FBXL7: variants seen among roughly 807,000 people sequenced by gnomAD.
The protein encoded by FBXL7 is F-box/LRR-repeat protein 7.
FBXL7 carries 12 observed loss-of-function variants against 38.3 expected under a neutral mutation model. The observed-to-expected ratio is 0.31, with a 90% confidence interval of 0.20 to 0.51. The LOEUF (loss-of-function observed/expected upper bound fraction) is 0.51. Ranked by LOEUF, FBXL7 falls within the 20% of genes least tolerant of loss-of-function variation. The pLI is 0.98. For missense variants in FBXL7, 567 were observed against 676.4 expected, an observed-to-expected ratio of 0.84 and a Z score of 1.79; for synonymous variants, 297 against 300.9, an observed-to-expected ratio of 0.99 and a Z score of 0.13.
intron 2 of FBXL7, among the ~76,000 whole-genome samples, chr5:15,775,171 C>T (rs1250773891): frequency 1.3e-5 from 2 of 152,110 alleles, no homozygotes; most frequent in African/African-American, 4.8e-5. Flanking sequence ...GCAACCAAAA[C>T]ACAAGCATTG....
intron 2 of FBXL7, among the ~76,000 whole-genome samples, chr5:15,744,927 T>C (rs1194193593): frequency 6.6e-6 from 1 of 152,074 alleles, no homozygotes; most frequent in Non-Finnish European, 1.5e-5. Context: ...GAGAACTCAC[T>C]CACTATCACG....
chr5:15,607,817 G>C (rs1740081065), intron 1 of FBXL7, among the ~76,000 whole-genome samples: 1 of 152,188 alleles, frequency 6.6e-6, no homozygotes, highest in Non-Finnish European at 1.5e-5. Context: ...ACCAAACTTA[G>C]TGTGTTCGTT....
chr5:15,754,572 A>C (rs1736241621), intron 2 of FBXL7, among the ~76,000 whole-genome samples: 1 of 152,244 alleles, frequency 6.6e-6, no homozygotes, highest in Non-Finnish European at 1.5e-5. Flanking sequence ...CAAGTTAGAC[A>C]CCGGGCAACC....
chr5:15,843,850 A>G (rs1458340398), intron 2 of FBXL7, among the ~76,000 whole-genome samples: 1 of 151,402 alleles, frequency 6.6e-6, no homozygotes, highest in East Asian at 1.9e-4. Flanking sequence ...GTATTAAGCT[A>G]TACTATATAT....
intron 1 of FBXL7, among the ~76,000 whole-genome samples, chr5:15,532,078 AT>A (rs961554969): frequency 1.4e-4 from 21 of 152,346 alleles, no homozygotes; most frequent in African/African-American, 5.1e-4. Flanking sequence ...CTTGGTACAC[AT>A]TGTGAGTGCT....
chr5:15,921,898 A>T (rs908148435), intron 2 of FBXL7, among the ~76,000 whole-genome samples: 5 of 152,154 alleles, frequency 3.3e-5, no homozygotes, highest in African/African-American at 1.2e-4. Context: ...GATTGTTGCA[A>T]CCATTATGGA....
chr5:15,600,006 A>T (rs1739743991), intron 1 of FBXL7, among the ~76,000 whole-genome samples: 1 of 152,216 alleles, frequency 6.6e-6, no homozygotes, highest in Non-Finnish European at 1.5e-5. Flanking sequence ...TTCAATAAGA[A>T]GCTATAGGAG....
intron 2 of FBXL7, among the ~76,000 whole-genome samples, chr5:15,824,053 G>A (rs559567171): frequency 1.6e-4 from 25 of 152,120 alleles, no homozygotes; most frequent in Admixed American, 7.9e-4. Context: ...TGAGGCGGGC[G>A]GATCACTTGA....
intron 1 of FBXL7, among the ~76,000 whole-genome samples, chr5:15,605,850 A>T: frequency 6.6e-6 from 1 of 152,190 alleles, no homozygotes; most frequent in East Asian, 1.9e-4. Context: ...CAAATGCTAA[A>T]ATATGTCTTT....
At chr5:15,566,064 G>A (rs1463489044) in intron 1 of FBXL7, among the ~76,000 whole-genome samples, 1 of 151,916 alleles carries the variant, frequency 6.6e-6, no homozygotes, top group African/African-American at 2.4e-5. Context: ...ATAAAATATA[G>A]ATGGCAGGAG....
intron 1 of FBXL7, among the ~76,000 whole-genome samples, chr5:15,602,875 C>G (rs1395113818): frequency 1.3e-5 from 2 of 152,140 alleles, no homozygotes; most frequent in Non-Finnish European, 1.5e-5. Flanking sequence ...TCTCTGTCAC[C>G]TAGGCTGGAG....
At chr5:15,714,868 A>AT in intron 2 of FBXL7, among the ~76,000 whole-genome samples, 1 of 151,356 alleles carries the variant, frequency 6.6e-6, no homozygotes, top group South Asian at 2.1e-4. Context: ...AAAAAAAAAA[A>AT]AGAGGCAGGA....
At chr5:15,852,451 G>A (rs1739124966) in intron 2 of FBXL7, among the ~76,000 whole-genome samples, 1 of 152,212 alleles carries the variant, frequency 6.6e-6, no homozygotes. Context: ...CCTGGTGAGT[G>A]AGGAGAAAGG....
Position 15,715,117 on chromosome 5 carries a change from G to A in FBXL7, c.127+99045G>A, listed in dbSNP as rs573203647. ...ATAAATCTGTGTTGTTTTAAGTTAT[G>A]TAATTTGTGGCAATGTATTACAGTG... On this transcript the variant is annotated intron_variant, in intron 2 of 3. Coordinates refer to ENST00000504595, the MANE Select transcript of FBXL7 (RefSeq NM_012304.5). Among the ~76,000 whole-genome samples the A allele has an allele frequency of 5.9e-5, 9 of 152,202 alleles. No homozygotes were observed. The East Asian group carries it at 1.5e-3, about 26-fold the overall frequency.
intron 2 of FBXL7, among the ~76,000 whole-genome samples, chr5:15,747,604 T>C (rs1579429815): frequency 6.6e-6 from 1 of 152,166 alleles, no homozygotes; most frequent in East Asian, 1.9e-4. Context: ...GCCAACAATA[T>C]AGGAATATAC....
intron 2 of FBXL7, among the ~76,000 whole-genome samples, chr5:15,814,826 T>C (rs1330654878): frequency 6.6e-6 from 1 of 152,118 alleles, no homozygotes; most frequent in African/African-American, 2.4e-5. Context: ...CCCCAATTGC[T>C]TACACCTTTA....
chr5:15,822,423 G>A (rs1026141626), intron 2 of FBXL7, among the ~76,000 whole-genome samples: 1 of 152,008 alleles, frequency 6.6e-6, no homozygotes, highest in African/African-American at 2.4e-5. Flanking sequence ...CAGGCAATGA[G>A]GGCAACAGGC....
At chr5:15,662,881 C>T (rs1335702199) in intron 2 of FBXL7, among the ~76,000 whole-genome samples, 1 of 152,126 alleles carries the variant, frequency 6.6e-6, no homozygotes, top group Admixed American at 6.6e-5. Flanking sequence ...GCACCAGTAC[C>T]ATGCTGTTTT....
intron 1 of FBXL7, among the ~76,000 whole-genome samples, chr5:15,555,483 C>T (rs1396407042): frequency 6.6e-6 from 1 of 152,156 alleles, no homozygotes; most frequent in Non-Finnish European, 1.5e-5. Context: ...CCTTACCCGG[C>T]ATCCTGGGTT....
Sources: allele counts gnomAD v4.1 joint callset (sites outside exome capture counted in the v4.1 genomes callset), GRCh38; gene constraint gnomAD v4.1.1; transcripts MANE v1.5; gene names NCBI Gene and HGNC (gene_info 2026-07-23, HGNC 2026-07-21).